The following USP1 variants were observed in gnomAD, a reference collection of about 807,000 sequenced individuals.
USP1 encodes the protein ubiquitin carboxyl-terminal hydrolase 1.
USP1 carries 18 observed loss-of-function variants against 72.2 expected under a neutral mutation model. That is an observed-to-expected ratio of 0.25 (90% CI 0.17 to 0.37). USP1 has a LOEUF of 0.37. USP1 is among the 10% of genes least tolerant of loss of function. The pLI, the probability that USP1 is intolerant of heterozygous loss-of-function variation, is 1.00. For synonymous variants in USP1, 354 were observed against 303.7 expected (o/e 1.17, Z -1.72); for missense variants, 759 against 884.9 (o/e 0.86, Z 1.81).
chr1:62,450,753 T>C lies in USP1; in HGVS notation c.2130T>C (p.His710=). The C allele has an allele frequency of 3.1e-6, 5 of 1,613,794 alleles. No homozygotes were observed. The highest frequency in any genetic ancestry group is 2.7e-5 in the African/African-American group (2 of 74,998). The stretch of plus-strand genomic sequence containing the variant: ...AGACTAGTGATACTACTGGGACCCA[T>C]GAATCTGATAGAAACAAGGAATCCA... The part of the protein sequence containing the change: ...NSETSDTTGT[H]ESDRNKESSD... The change falls in exon 9 of 9, where the codon CAT becomes CAC. Residue 710 remains histidine, a synonymous_variant. Coordinates refer to ENST00000339950, the MANE Select transcript of USP1 (RefSeq NM_003368.5).
In USP1 at chr1:62,451,057, C is replaced by A; in HGVS notation, c.*76C>A. The stretch of plus-strand genomic sequence containing the variant: ...GGTAAAGTTGATTACATCAAAGAAT[C>A]TTTAGCTTATCTTTTGAAGCTACTG... On this transcript the variant is annotated 3_prime_UTR_variant, in exon 9 of 9. Transcript: ENST00000339950. 1 of 1,376,784 alleles carries A rather than the reference C, an allele frequency of 7.3e-7. No homozygotes were observed. Among genetic ancestry groups the A allele is most frequent in the Non-Finnish European group, 9.7e-7 (1 of 1,032,826 alleles). The allele number at this position is 1,376,784 out of a possible 1,614,324, so 85.3% of individuals were successfully genotyped here. A position where few individuals can be genotyped will look rare whatever the true frequency, so the allele number is the denominator to read the frequency against.
intron 2 of USP1, among the ~76,000 whole-genome samples, chr1:62,441,012 T>TA (rs35778797): frequency 5.9e-5 from 3 of 51,192 alleles, no homozygotes; most frequent in African/African-American, 5.6e-4. Context: ...TAGCTACATA[T>TA]TTTTTTTTTT....
At chr1:62,440,558 T>C (rs1645125605) in intron 2 of USP1, among the ~76,000 whole-genome samples, 1 of 152,206 alleles carries the variant, frequency 6.6e-6, no homozygotes, top group Non-Finnish European at 1.5e-5. Flanking sequence ...AGTGGAATAC[T>C]TTATTCCACC....
chr1:62,449,805 A>G (rs1645201061), intron 8 of USP1, among the ~76,000 whole-genome samples: 1 of 151,874 alleles, frequency 6.6e-6, no homozygotes, highest in Non-Finnish European at 1.5e-5. Flanking sequence ...CCAACTACTC[A>G]GGAGGCTGAG....
chr1:62,441,428 A>G (rs1220699959), intron 2 of USP1, 60 bp from the exon 3 acceptor site: 10 of 1,474,984 alleles, frequency 6.8e-6, no homozygotes, highest in Non-Finnish European at 7.2e-6. Flanking sequence ...TACAGAAGTA[A>G]TATTTTCACC....
At position 62,441,626 on chromosome 1, in the gene USP1, C is replaced by G. The variant is rs371096664; in HGVS notation, c.291+18C>G. 3.1e-6 allele frequency: 5 copies of G among 1,600,972 alleles called. No homozygotes were observed. Among genetic ancestry groups the G allele is most frequent in the Middle Eastern group, 1.7e-4 (1 of 5,956 alleles). ...TACTTCAGGTAAATTGACAATTTTGCTATATCATAAAGCTTTAGTAGGCAA... is the reference window on the plus strand; with the variant it reads ...TACTTCAGGTAAATTGACAATTTTGGTATATCATAAAGCTTTAGTAGGCAA... On this transcript the variant is annotated intron_variant, in intron 3 of 8. Coordinates refer to ENST00000339950, the MANE Select transcript of USP1 (RefSeq NM_003368.5).
chr1:62,450,671 A>G lies in USP1; in HGVS notation c.2048A>G (p.Lys683Arg), dbSNP rs1159783889. 1 of 1,614,144 alleles carries G rather than the reference A, an allele frequency of 6.2e-7. No individual in the cohort carries two copies. The highest frequency in any genetic ancestry group is 8.5e-7 in the Non-Finnish European group (1 of 1,180,006). ...KSKADYELYN[K>R]ASNPDKVAST... is the part of the protein sequence containing the mutation. ...AAAGCAGATTATGAGCTATACAACA[A>G]AGCCTCTAATCCTGATAAGGTTGCT... is the stretch of plus-strand genomic sequence containing the variant. The change falls in exon 9 of 9, where the codon AAA (lysine) becomes AGA (arginine). Residue 683 changes from lysine to arginine, a missense_variant. Lys to Arg is a conservative substitution (Grantham distance 26). Transcript: ENST00000339950.
At chr1:62,440,058 T>G (rs538083130) in intron 2 of USP1, 21 bp downstream of exon 2, 1 of 1,412,168 alleles carries the variant, frequency 7.1e-7, no homozygotes, top group South Asian at 1.8e-5. Flanking sequence ...TACATTTCTG[T>G]ACTTTAAAAA....
At chr1:62,443,911 C>G (rs186898396) in intron 5 of USP1, among the ~76,000 whole-genome samples, 183 of 152,180 alleles carry the variant, frequency 1.2e-3, no homozygotes, top group African/African-American at 4.0e-3. Flanking sequence ...AAAACAATCA[C>G]TTAAGCATTT....
At position 62,447,346 on chromosome 1, in the gene USP1, G is replaced by A; in HGVS notation, c.1255G>A (p.Glu419Lys). 1 of 1,612,612 alleles carries A rather than the reference G, an allele frequency of 6.2e-7. No individual in the cohort carries two copies. Among genetic ancestry groups the A allele is most frequent in the South Asian group, 1.1e-5 (1 of 90,808 alleles). Residue 419 changes from glutamate (E) to lysine (K), a missense_variant, in exon 7 of 9, where the codon GAA becomes AAA. By Grantham distance (56) the Glu-to-Lys change is moderately conservative. Transcript: ENST00000339950. ...NEVKPINKGEEQIGFELVEKL... is the reference protein window; with the variant it reads ...NEVKPINKGEKQIGFELVEKL... The stretch of plus-strand genomic sequence containing the variant: ...TTTTCCTATTTTCATTTTAGGTGAA[G>A]AACAAATTGGTTTTGAGCTAGTGGA...
upstream of USP1, chr1:62,436,814 C>T (rs1202654563): frequency 1.4e-5 from 4 of 280,818 alleles, no homozygotes; most frequent in Non-Finnish European, 2.6e-5. Flanking sequence ...CACGAGCTGC[C>T]CGGCTCTGTG....
chr1:62,450,778 A>G lies in USP1; in HGVS notation c.2155A>G (p.Ser719Gly). Reference protein sequence around the residue: ...THESDRNKESSDQTGINISGF... With the variant: ...THESDRNKESGDQTGINISGF... Reference sequence around the variant, plus strand: ...TGAATCTGATAGAAACAAGGAATCCAGTGACCAAACAGGCATTAATATTAG... The same window carrying G: ...TGAATCTGATAGAAACAAGGAATCCGGTGACCAAACAGGCATTAATATTAG... The change falls in exon 9 of 9, where the codon AGT becomes GGT. Residue 719 changes from serine to glycine, a missense_variant. Ser to Gly is a moderately conservative substitution (Grantham distance 56). This residue lies in a region of USP1 where 159 missense variants were observed against 140.9 expected (regional missense o/e 1.13). Transcript: ENST00000339950. The G allele has an allele frequency of 1.9e-6, 3 of 1,613,892 alleles. No homozygotes were observed. The highest frequency in any genetic ancestry group is 3.3e-4 in the Middle Eastern group (2 of 6,058).
At chr1:62,447,630 T>A in intron 7 of USP1, 119 bp downstream of exon 7, 1 of 1,050,226 alleles carries the variant, frequency 9.5e-7, no homozygotes, top group African/African-American at 1.6e-5. Context: ...TTTTAGTGTC[T>A]AATGTAACCT....
intron 8 of USP1, among the ~76,000 whole-genome samples, chr1:62,449,307 G>A (rs783291): frequency 0.42 from 63,460 of 152,036 alleles, 14,985 homozygotes; most frequent in African/African-American, 0.65. Flanking sequence ...GGGCGGGAAA[G>A]GCTAAATTCT....
chr1:62,437,430 T>A (rs2149203076), intron 1 of USP1, 30 bp downstream of exon 1: 1 of 354,436 alleles, frequency 2.8e-6, no homozygotes, highest in Non-Finnish European at 5.0e-6. Flanking sequence ...AGGGGCCGGC[T>A]CCCGGGCGCG....
chr1:62,446,157 T>G (rs931218214), intron 6 of USP1, among the ~76,000 whole-genome samples: 5 of 152,184 alleles, frequency 3.3e-5, no homozygotes, highest in African/African-American at 1.2e-4. Context: ...GGATATGTTC[T>G]GAGAAATGTG....
intron 7 of USP1, among the ~76,000 whole-genome samples, chr1:62,448,081 T>C (rs974627579): frequency 4.6e-5 from 7 of 152,166 alleles, no homozygotes; most frequent in East Asian, 3.9e-4. Context: ...CCACCGCGCC[T>C]GGCCTACTGA....
At position 62,441,680 on chromosome 1, in the gene USP1, G is replaced by A. The variant is rs1180847241; in HGVS notation, c.291+72G>A. ...TTGATGTAGCATTTAATGTTTTTGA[G>A]TTATTGGAGGACTTTAATGTCCATA... On this transcript the variant is annotated intron_variant, in intron 3 of 8. Coordinates refer to ENST00000339950, the MANE Select transcript of USP1 (RefSeq NM_003368.5). 3.4e-6 allele frequency: 5 copies of A among 1,491,032 alleles called. No homozygotes were observed. The African/African-American group carries it at 7.1e-5, about 21-fold the overall frequency. 92.4% of individuals were successfully genotyped at this position (1,491,032 alleles called of 1,614,324 possible). A position where few individuals can be genotyped will look rare whatever the true frequency, so the allele number is the denominator to read the frequency against.
chr1:62,443,270 T>C lies in USP1; in HGVS notation c.508T>C (p.Tyr170His), dbSNP rs1458670786. ...TAGTTTTCTCTTAAATCCAGAGAAATATACTGATGAACTTGCCACTCAGCC... is the reference window on the plus strand; with the variant it reads ...TAGTTTTCTCTTAAATCCAGAGAAACATACTGATGAACTTGCCACTCAGCC... ...QASFLLNPEK[Y>H]TDELATQPRR... is the part of the protein sequence containing the mutation. The change falls in exon 5 of 9, where the codon TAT (tyrosine) becomes CAT (histidine). Residue 170 changes from tyrosine (Y) to histidine (H), a missense_variant. Around this residue, in one of 9 missense-constraint regions of USP1, gnomAD observed 71 missense variants for 71.0 expected, o/e 1.00. Transcript: ENST00000339950. The C allele has an allele frequency of 1.2e-6, 2 of 1,613,974 alleles. No homozygotes were observed. Among genetic ancestry groups the C allele is most frequent in the South Asian group, 2.2e-5 (2 of 91,050 alleles).
Sources: gnomAD v4.1 joint callset for allele counts (sites outside exome capture counted in the v4.1 genomes callset) on GRCh38, gnomAD v4.1.1 for gene constraint, gnomAD v4.1.1 regional missense constraint, MANE v1.5 for transcripts, NCBI Gene and HGNC (gene_info 2026-07-23, HGNC 2026-07-21) for gene names.